TOP6BL: variants seen among roughly 807,000 people sequenced by gnomAD.
The protein encoded by TOP6BL is TOP6B like initiator of meiotic double strand breaks.
the TOP6BL span, among the ~76,000 whole-genome samples, chr11:66,768,668 G>GTTTTTT: frequency 8.7e-6 from 1 of 115,466 alleles, no homozygotes; most frequent in African/African-American, 3.2e-5. Flanking sequence ...TTTGTTTTTT[G>GTTTTTT]TTTTTTTTTT....
chr11:66,817,814 T>G, the TOP6BL span, among the ~76,000 whole-genome samples: 253 of 152,254 alleles, frequency 1.7e-3, 2 homozygotes, highest in African/African-American at 5.8e-3. Context: ...CCCAAAGTGC[T>G]GGGATTACAG....
the TOP6BL span, among the ~76,000 whole-genome samples, chr11:66,745,675 A>C: frequency 1.3e-5 from 2 of 152,256 alleles, no homozygotes; most frequent in African/African-American, 2.4e-5. Context: ...TCATCAAAGA[A>C]GGCGGCGGGA....
the TOP6BL span, chr11:66,788,073 G>T: frequency 1.1e-6 from 1 of 890,984 alleles, no homozygotes; most frequent in Non-Finnish European, 1.8e-6. Flanking sequence ...AAGCCTTCTT[G>T]GCTCACCAGT....
chr11:66,776,386 T>C, the TOP6BL span, among the ~76,000 whole-genome samples: 1 of 152,146 alleles, frequency 6.6e-6, no homozygotes, highest in Non-Finnish European at 1.5e-5. Context: ...CCTTGTCATA[T>C]TGTATTGAAT....
At chr11:66,816,435 A>G in the TOP6BL span, among the ~76,000 whole-genome samples, 1 of 152,214 alleles carries the variant, frequency 6.6e-6, no homozygotes, top group African/African-American at 2.4e-5. Flanking sequence ...TACTTCATAT[A>G]TTGCTCCCTA....
chr11:66,745,036 T>C, the TOP6BL span: 1 of 1,098,906 alleles, frequency 9.1e-7, no homozygotes, highest in Non-Finnish European at 1.2e-6. Flanking sequence ...GGAGGAAGGT[T>C]CGGGAATCGA....
the TOP6BL span, among the ~76,000 whole-genome samples, chr11:66,825,891 G>A: frequency 1.3e-5 from 2 of 151,632 alleles, no homozygotes; most frequent in Non-Finnish European, 2.9e-5. Flanking sequence ...GCCCAGGCTG[G>A]AGTGCAGTGG....
At chr11:66,799,883 C>A in the TOP6BL span, among the ~76,000 whole-genome samples, 1 of 151,906 alleles carries the variant, frequency 6.6e-6, no homozygotes, top group Admixed American at 6.6e-5. Context: ...AGTTCAAGAC[C>A]AGCCTGGGCA....
At chr11:66,751,385 A>G in the TOP6BL span, among the ~76,000 whole-genome samples, 1 of 151,322 alleles carries the variant, frequency 6.6e-6, no homozygotes, top group African/African-American at 2.4e-5. Context: ...AGTAGAGACC[A>G]GGTTTCACTA....
At chr11:66,838,584 T>C in the TOP6BL span, 15 of 712,646 alleles carry the variant, frequency 2.1e-5, no homozygotes, top group Middle Eastern at 2.6e-4. Flanking sequence ...TTGCTGCCAC[T>C]GTGGGTCTTC....
At chr11:66,752,219 G>A in the TOP6BL span, among the ~76,000 whole-genome samples, 4 of 150,420 alleles carry the variant, frequency 2.7e-5, no homozygotes, top group African/African-American at 9.8e-5. Flanking sequence ...TGGAAAGAGT[G>A]TTTGGAAGGT....
chr11:66,816,210 G>A, the TOP6BL span: 33 of 1,604,356 alleles, frequency 2.1e-5, no homozygotes, highest in Non-Finnish European at 2.6e-5. Flanking sequence ...GTAAGTATAA[G>A]AGAATGGGGT....
the TOP6BL span, among the ~76,000 whole-genome samples, chr11:66,792,346 A>G: frequency 6.6e-6 from 1 of 152,142 alleles, no homozygotes; most frequent in African/African-American, 2.4e-5. Context: ...TCTAATTCTG[A>G]GATTGTCTTA....
chr11:66,748,539 A>T, the TOP6BL span: 1 of 1,497,800 alleles, frequency 6.7e-7, no homozygotes, highest in Non-Finnish European at 9.0e-7. Flanking sequence ...AAGAAAAAAT[A>T]TTTTCTATCT....
At chr11:66,791,515 C>T in the TOP6BL span, among the ~76,000 whole-genome samples, 2 of 151,798 alleles carry the variant, frequency 1.3e-5, no homozygotes, top group Non-Finnish European at 2.9e-5. Flanking sequence ...GGTGAGGGGG[C>T]AAGAGAGAGA....
the TOP6BL span, chr11:66,759,097 G>GT: frequency 3.9e-6 from 6 of 1,532,132 alleles, no homozygotes; most frequent in Non-Finnish European, 5.3e-6. Context: ...TTCCTAAAAG[G>GT]TAAAGAATTA....
At chr11:66,785,493 T>G in the TOP6BL span, among the ~76,000 whole-genome samples, 1 of 152,230 alleles carries the variant, frequency 6.6e-6, no homozygotes. Context: ...AAGAGCTAAT[T>G]GTTCATGATA....
At chr11:66,810,705 A>G in the TOP6BL span, among the ~76,000 whole-genome samples, 2 of 152,266 alleles carry the variant, frequency 1.3e-5, no homozygotes, top group African/African-American at 4.8e-5. Flanking sequence ...CTGTAGAGGT[A>G]TTTAACCCTT....
the TOP6BL span, among the ~76,000 whole-genome samples, chr11:66,769,584 A>C: frequency 1.3e-5 from 2 of 152,068 alleles, no homozygotes; most frequent in African/African-American, 4.8e-5. Flanking sequence ...TTAAAGGACA[A>C]ATAGCAAAAT....
Sources: gnomAD v4.1 joint callset for allele counts (sites outside exome capture counted in the v4.1 genomes callset) on GRCh38, gnomAD v4.1.1 for gene constraint, MANE v1.5 for transcripts, NCBI Gene and HGNC (gene_info 2026-07-23, HGNC 2026-07-21) for gene names.